Variants in ADCY5 observed in about 807,000 individuals in gnomAD.
ADCY5 encodes the protein adenylate cyclase 5.
Under a neutral mutation model 119.7 loss-of-function variants are expected in ADCY5, and 30 were observed. The observed-to-expected ratio is 0.25, with a 90% CI of 0.19 to 0.34. The LOEUF (loss-of-function observed/expected upper bound fraction) is 0.34, where lower values mean the gene tolerates loss of function less well. Among genes scored for constraint, ADCY5 ranks in the 10% least tolerant of loss-of-function variants. The pLI is 1.00. For synonymous variants in ADCY5, 753 were observed against 762.2 expected, an observed-to-expected ratio of 0.99 and a Z score of 0.20; for missense variants, 1,324 against 1,775.2, an observed-to-expected ratio of 0.75 and a Z score of 4.57.
chr3:123,326,344 A>C (rs1941482618), intron 7 of ADCY5, among the ~76,000 whole-genome samples: 1 of 152,198 alleles, frequency 6.6e-6, no homozygotes. Flanking sequence ...AGAGAGCTAG[A>C]GACCTGAGGC....
intron 1 of ADCY5, among the ~76,000 whole-genome samples, chr3:123,374,758 C>T (rs890486494): frequency 2.8e-5 from 4 of 142,160 alleles, no homozygotes; most frequent in East Asian, 4.9e-4. Context: ...ACTCAAGAGA[C>T]GGGGCTGGGG....
intron 1 of ADCY5, among the ~76,000 whole-genome samples, chr3:123,401,058 A>ATC (rs1191527240): frequency 8.9e-5 from 1 of 11,264 alleles, no homozygotes; most frequent in African/African-American, 1.3e-4. Context: ...GGGGACACAC[A>ATC]TGTATGTCCA....
chr3:123,287,289 A>C (rs1292408689), intron 19 of ADCY5, among the ~76,000 whole-genome samples: 1 of 152,090 alleles, frequency 6.6e-6, no homozygotes, highest in African/African-American at 2.4e-5. Context: ...TGCAGCAACC[A>C]AGCTCTGGCC....
In ADCY5 at chr3:123,348,036, A is replaced by AGCGTGTGTGTGTGTGT. The variant is rs1553732238; in HGVS notation, c.1285-134_1285-133insACACACACACACACGC. On this transcript the variant is annotated intron_variant, in intron 2 of 20. Coordinates refer to ENST00000462833, the MANE Select transcript of ADCY5 (RefSeq NM_183357.3). ...GCTCTCCCGGGACTCCTGGGTTAAC[A>AGCGTGTGTGTGTGTGT]GTGTGTGTGTGTGTGTGTGTGTGTG... is the stretch of plus-strand genomic sequence containing the variant. The AGCGTGTGTGTGTGTGT allele has an allele frequency of 2.1e-5, 10 of 468,640 alleles. No individual in the cohort carries two copies. In the African/African-American group the frequency reaches 2.4e-4, roughly 11 times the overall value. 29.0% of individuals were successfully genotyped at this position (468,640 alleles called of 1,614,324 possible). A position where few individuals can be genotyped will look rare whatever the true frequency, so the allele number is the denominator to read the frequency against.
At chr3:123,312,183 A>C (rs1272354670) in intron 12 of ADCY5, among the ~76,000 whole-genome samples, 1 of 152,150 alleles carries the variant, frequency 6.6e-6, no homozygotes, top group Non-Finnish European at 1.5e-5. Context: ...AAAGAAAGGA[A>C]ATTTAGGTTC....
intron 1 of ADCY5, among the ~76,000 whole-genome samples, chr3:123,407,098 C>G (rs745445203): frequency 4.5e-4 from 68 of 152,106 alleles, no homozygotes; most frequent in Non-Finnish European, 1.6e-4. Context: ...CGTGATACCC[C>G]CTCAGCTGCC....
chr3:123,414,241 C>T (rs934975712), intron 1 of ADCY5, among the ~76,000 whole-genome samples: 8 of 152,328 alleles, frequency 5.3e-5, no homozygotes, highest in African/African-American at 1.9e-4. Context: ...CTGCCAGCCC[C>T]TCTACACTCA....
chr3:123,363,696 GC>G (rs1943336336), intron 1 of ADCY5, among the ~76,000 whole-genome samples: 1 of 152,174 alleles, frequency 6.6e-6, no homozygotes, highest in Admixed American at 6.5e-5. Flanking sequence ...ATCACTTGAG[GC>G]CAGGAATTTG....
chr3:123,389,230 A>G (rs779621979), intron 1 of ADCY5, among the ~76,000 whole-genome samples: 11 of 152,142 alleles, frequency 7.2e-5, no homozygotes, highest in Non-Finnish European at 1.6e-4. Flanking sequence ...GAGACACAGG[A>G]CTGGGAGCTA....
chr3:123,345,761 G>GACACACACACACACACACACACAC (rs1491583420), intron 3 of ADCY5, among the ~76,000 whole-genome samples: 2 of 35,984 alleles, frequency 5.6e-5, no homozygotes, highest in African/African-American at 2.1e-4. Context: ...CAGACAGACA[G>GACACACACACACACACACACACAC]ACAGACAGAC....
chr3:123,427,182 A>G (rs571936950), intron 1 of ADCY5, among the ~76,000 whole-genome samples: 6 of 152,224 alleles, frequency 3.9e-5, no homozygotes, highest in African/African-American at 1.4e-4. Context: ...CTCCCTGGAC[A>G]AGGGCAGCAG....
chr3:123,416,142 G>T, intron 1 of ADCY5: 1 of 1,534,826 alleles, frequency 6.5e-7, no homozygotes. Context: ...CAGCAGAAAG[G>T]GACAGGTAGT....
intron 1 of ADCY5, among the ~76,000 whole-genome samples, chr3:123,355,708 A>G (rs549579122): frequency 1.3e-5 from 2 of 152,270 alleles, no homozygotes; most frequent in Non-Finnish European, 2.9e-5. Flanking sequence ...AAAGCTATGA[A>G]ACACTGATGA....
intron 5 of ADCY5, among the ~76,000 whole-genome samples, chr3:123,329,742 C>A (rs555597454): frequency 6.6e-6 from 1 of 152,184 alleles, no homozygotes; most frequent in African/African-American, 2.4e-5. Flanking sequence ...CCCCATCCCA[C>A]GCCATCAGCA....
intron 1 of ADCY5, among the ~76,000 whole-genome samples, chr3:123,443,050 T>C (rs1298179212): frequency 6.6e-6 from 1 of 152,034 alleles, no homozygotes; most frequent in Non-Finnish European, 1.5e-5. Context: ...TACCCGGGCC[T>C]GTGGGTGAAA....
chr3:123,314,402 A>T, intron 11 of ADCY5, 80 bp from the exon 12 acceptor site: 1 of 1,125,732 alleles, frequency 8.9e-7, no homozygotes, highest in Non-Finnish European at 1.3e-6. Flanking sequence ...CCTGGCAAGC[A>T]GGCCACAGGT....
At position 123,303,848 on chromosome 3, in the gene ADCY5, G is replaced by GAA. The variant is rs1320087124; in HGVS notation, c.2559+217_2559+218dup. 7.0e-5 allele frequency among the ~76,000 whole-genome samples: 5 copies of GAA among 71,862 alleles called. No individual in the cohort carries two copies. In the South Asian group the frequency reaches 1.8e-3, roughly 25 times the overall value. The allele number at this position is 71,862 out of a possible 152,430, so 47.1% of individuals were successfully genotyped here. A position where few individuals can be genotyped will look rare whatever the true frequency, so the allele number is the denominator to read the frequency against. Reference sequence around the variant, plus strand: ...TCAAAACTGGAAAGAAAAGAGAAGAGAAGAGAAGAGAAGAGAAGAGAAGAG... The same window carrying GAA: ...TCAAAACTGGAAAGAAAAGAGAAGAGAAAAGAGAAGAGAAGAGAAGAGAAGAG... On this transcript the variant is annotated intron_variant, in intron 13 of 20. Coordinates refer to ENST00000462833, the MANE Select transcript of ADCY5 (RefSeq NM_183357.3).
At chr3:123,403,401 A>T (rs1216996482) in intron 1 of ADCY5, among the ~76,000 whole-genome samples, 2 of 151,492 alleles carry the variant, frequency 1.3e-5, no homozygotes, top group Admixed American at 1.3e-4. Context: ...AAAAAAAAAA[A>T]AGAGTACAGA....
At chr3:123,388,657 A>G (rs1174752533) in intron 1 of ADCY5, among the ~76,000 whole-genome samples, 1 of 152,174 alleles carries the variant, frequency 6.6e-6, no homozygotes, top group African/African-American at 2.4e-5. Flanking sequence ...ATGCTTGAGG[A>G]GGAAAAGAAA....
Sources: gnomAD v4.1 joint callset for allele counts (sites outside exome capture counted in the v4.1 genomes callset) on GRCh38, gnomAD v4.1.1 for gene constraint, MANE v1.5 for transcripts, NCBI Gene and HGNC (gene_info 2026-07-23, HGNC 2026-07-21) for gene names.